The following ULK4 variants were observed in gnomAD, a reference collection of about 807,000 sequenced individuals.
ULK4 encodes the protein inactive serine/threonine-protein kinase ULK4.
In ULK4, 133 loss-of-function variants were observed where a neutral mutation model predicts 160.6. The observed-to-expected ratio is 0.83, with a 90% CI of 0.72 to 0.96. The LOEUF (loss-of-function observed/expected upper bound fraction) is 0.96. ULK4 is among the 40% of genes least tolerant of loss of function. The probability of loss-of-function intolerance (pLI) is 0.00; values close to 1 mark genes in which losing one functional copy is unlikely to be tolerated. For synonymous variants in ULK4, 534 were observed against 539.8 expected, an observed-to-expected ratio of 0.99 and a Z score of 0.15; for missense variants, 1,580 against 1,499.5, an observed-to-expected ratio of 1.05 and a Z score of -0.89.
intron 32 of ULK4, among the ~76,000 whole-genome samples, chr3:41,484,392 C>T (rs547834127): frequency 1.3e-5 from 2 of 151,936 alleles, no homozygotes; most frequent in East Asian, 1.9e-4. Context: ...CTGGACTGGG[C>T]GCCTGGAGAT....
intron 22 of ULK4, among the ~76,000 whole-genome samples, chr3:41,743,397 G>C (rs2125883222): frequency 6.6e-6 from 1 of 151,332 alleles, no homozygotes; most frequent in Middle Eastern, 3.4e-3. Context: ...GGAGGAATAA[G>C]ATTTCTCAAA....
chr3:41,774,425 C>A (rs1286463378), intron 21 of ULK4, among the ~76,000 whole-genome samples: 3 of 150,754 alleles, frequency 2.0e-5, no homozygotes, highest in Admixed American at 1.3e-4. Flanking sequence ...TATGAACAGA[C>A]ACTTCTCAAA....
intron 35 of ULK4, among the ~76,000 whole-genome samples, chr3:41,282,289 GA>G (rs1395415466): frequency 6.6e-6 from 1 of 152,058 alleles, no homozygotes; most frequent in Non-Finnish European, 1.5e-5. Flanking sequence ...CACAGAATTG[GA>G]AAAAACTACT....
rs750578947 is a variant in ULK4 at position 41,477,838 on chromosome 3, A to G, written c.3227-14585T>C. On this transcript the variant is annotated intron_variant, in intron 32 of 36. Transcript: ENST00000301831. ...CCACTCACATACGGCATGGCCCCAC[A>G]TGACAATGTGACCAAACATCTATGA... 7.4e-4 allele frequency among the ~76,000 whole-genome samples: 112 copies of G among 152,348 alleles called. No homozygotes were observed. The Middle Eastern group carries it at 0.01, about 14-fold the overall frequency.
chr3:41,305,510 G>A lies in ULK4; in HGVS notation c.3679-55936C>T, dbSNP rs545610795. On this transcript the variant is annotated intron_variant, in intron 35 of 36. Coordinates refer to ENST00000301831, the MANE Select transcript of ULK4 (RefSeq NM_017886.4). ...GTGCCGGGATTGCAGACGGAGTCTC[G>A]TTCACTCAGTGCTCAATGTTGCCCA... Among the ~76,000 whole-genome samples the A allele has an allele frequency of 6.5e-4, 99 of 152,324 alleles. 1 individual carries two copies. The highest frequency in any genetic ancestry group is 1.8e-3 in the Admixed American group (27 of 15,302).
At chr3:41,426,757 A>T (rs1266561270) in intron 34 of ULK4, among the ~76,000 whole-genome samples, 1 of 152,202 alleles carries the variant, frequency 6.6e-6, no homozygotes, top group Non-Finnish European at 1.5e-5. Flanking sequence ...TCTGGGAGGC[A>T]GTTAAAGCAG....
intron 32 of ULK4, among the ~76,000 whole-genome samples, chr3:41,518,575 A>C (rs1328902108): frequency 3.9e-5 from 6 of 152,242 alleles, no homozygotes; most frequent in African/African-American, 1.4e-4. Flanking sequence ...TCCCAGTAAT[A>C]ACTGTCCTCA....
At chr3:41,798,745 G>A (rs2040372012) in intron 20 of ULK4, among the ~76,000 whole-genome samples, 1 of 151,930 alleles carries the variant, frequency 6.6e-6, no homozygotes, top group Admixed American at 6.6e-5. Context: ...GATTGTGCGT[G>A]TTGTTGAGGG....
intron 20 of ULK4, among the ~76,000 whole-genome samples, chr3:41,796,824 T>G (rs78266466): frequency 0.013 from 1,940 of 152,172 alleles, 32 homozygotes; most frequent in African/African-American, 0.044. Flanking sequence ...TTCTAAAAAC[T>G]TAGGATTTCT....
chr3:41,953,210 TTAC>T (rs1240618542), intron 2 of ULK4, among the ~76,000 whole-genome samples: 1 of 149,708 alleles, frequency 6.7e-6, no homozygotes, highest in Non-Finnish European at 1.5e-5. Context: ...AAATTGTATT[TTAC>T]TACTATATAC....
At chr3:41,772,849 G>A (rs1392406373) in intron 21 of ULK4, among the ~76,000 whole-genome samples, 11 of 152,160 alleles carry the variant, frequency 7.2e-5, no homozygotes, top group Non-Finnish European at 1.6e-4. Flanking sequence ...AAATCCAGCA[G>A]CACATCAAAA....
chr3:41,390,208 G>C (rs574526335), intron 35 of ULK4, among the ~76,000 whole-genome samples: 64 of 152,158 alleles, frequency 4.2e-4, no homozygotes, highest in African/African-American at 1.5e-3. Context: ...CTGTGGGATT[G>C]GTGGTGATAT....
intron 17 of ULK4, among the ~76,000 whole-genome samples, chr3:41,847,399 C>A (rs7633178): frequency 0.13 from 20,098 of 152,128 alleles, 4,323 homozygotes; most frequent in African/African-American, 0.45. Context: ...CAAAAAGAAA[C>A]TGAATTAATC....
At chr3:41,886,222 A>G (rs548344982) in intron 16 of ULK4, among the ~76,000 whole-genome samples, 3 of 152,320 alleles carry the variant, frequency 2.0e-5, no homozygotes, top group African/African-American at 4.8e-5. Context: ...ACCCCCATGA[A>G]GTTAATGGCT....
At chr3:41,521,205 T>G (rs1159323744) in intron 32 of ULK4, among the ~76,000 whole-genome samples, 1 of 152,026 alleles carries the variant, frequency 6.6e-6, no homozygotes, top group Non-Finnish European at 1.5e-5. Flanking sequence ...ACACTAAAAT[T>G]TTAGTTTCTT....
intron 12 of ULK4, among the ~76,000 whole-genome samples, chr3:41,901,669 G>A (rs1405441341): frequency 6.7e-6 from 1 of 149,690 alleles, no homozygotes; most frequent in Non-Finnish European, 1.5e-5. Context: ...TAGTAGAATC[G>A]GGGTTTCACC....
intron 34 of ULK4, among the ~76,000 whole-genome samples, chr3:41,421,090 G>A (rs2082654860): frequency 6.6e-6 from 1 of 150,680 alleles, no homozygotes; most frequent in Non-Finnish European, 1.5e-5. Flanking sequence ...CTCCAGCCTG[G>A]GAAACAAATA....
intron 32 of ULK4, among the ~76,000 whole-genome samples, chr3:41,506,308 A>G (rs1341312906): frequency 6.6e-6 from 1 of 152,192 alleles, no homozygotes; most frequent in Non-Finnish European, 1.5e-5. Flanking sequence ...TGCTGTATCT[A>G]TCTTTCAATC....
intron 27 of ULK4, among the ~76,000 whole-genome samples, chr3:41,690,745 G>A (rs571357244): frequency 6.6e-6 from 1 of 151,912 alleles, no homozygotes; most frequent in East Asian, 1.9e-4. Flanking sequence ...GACCATCCAT[G>A]GCCTCATAGT....
Sources: gnomAD v4.1 joint callset for allele counts (sites outside exome capture counted in the v4.1 genomes callset) on GRCh38, gnomAD v4.1.1 for gene constraint, MANE v1.5 for transcripts, NCBI Gene and HGNC (gene_info 2026-07-23, HGNC 2026-07-21) for gene names.